The following WDR26 variants were observed in gnomAD, a reference collection of about 807,000 sequenced individuals.
The protein encoded by WDR26 is WD repeat-containing protein 26.
A neutral mutation model predicts 84.1 loss-of-function variants in WDR26; 5 were observed. The observed-to-expected ratio is 0.06, with a 90% CI of 0.03 to 0.13. The LOEUF (loss-of-function observed/expected upper bound fraction) is 0.13, where lower values mean the gene tolerates loss of function less well. WDR26 is among the 10% of genes least tolerant of loss of function. WDR26 has a pLI of 1.00. For synonymous variants in WDR26, 415 were observed against 389.6 expected (o/e 1.07, Z -0.77); for missense variants, 642 against 974.9 (o/e 0.66, Z 4.55).
At chr1:224,416,612 A>T (rs560721354) in intron 6 of WDR26, among the ~76,000 whole-genome samples, 2 of 152,358 alleles carry the variant, frequency 1.3e-5, no homozygotes, top group Non-Finnish European at 2.9e-5. Flanking sequence ...TTCATCACTT[A>T]GTTTCATAGG....
At chr1:224,395,646 C>T (rs561016820) in intron 12 of WDR26, among the ~76,000 whole-genome samples, 31 of 150,072 alleles carry the variant, frequency 2.1e-4, no homozygotes, top group Middle Eastern at 7.0e-3. Context: ...AGCTGTATTT[C>T]CTTCCTAAAC....
chr1:224,385,411 G>T lies in WDR26; in HGVS notation c.*4424C>A, dbSNP rs1672961049. On this transcript the variant is annotated 3_prime_UTR_variant, in exon 14 of 14. Transcript: ENST00000414423. ...AGACCTGAAGTTTTTATACTTTAAT[G>T]AATAAAGCAAAGAAATTTAAACTAA... is the stretch of plus-strand genomic sequence containing the variant. 1 of 152,270 alleles carries T rather than the reference G, an allele frequency of 6.6e-6. No homozygotes were observed. The highest frequency in any genetic ancestry group is 2.4e-5 in the African/African-American group (1 of 41,378). 9.4% of individuals were successfully genotyped at this position (152,270 alleles called of 1,614,324 possible).
At chr1:224,394,419 G>C (rs1403288683) in intron 12 of WDR26, among the ~76,000 whole-genome samples, 1 of 152,082 alleles carries the variant, frequency 6.6e-6, no homozygotes, top group African/African-American at 2.4e-5. Context: ...CCTTTATTGG[G>C]TGCTTACAAA....
rs1335487396 is a variant in WDR26 at position 224,407,151 on chromosome 1, A to AATATATATATATATATATATAT, written c.1459-2582_1459-2581insATATATATATATATATATATAT. Among the ~76,000 whole-genome samples the AATATATATATATATATATATAT allele has an allele frequency of 7.4e-3, 87 of 11,836 alleles. 1 individual carries two copies. The highest frequency in any genetic ancestry group is 9.8e-3 in the African/African-American group (25 of 2,556). The allele number at this position is 11,836 out of a possible 152,430, so 7.8% of individuals were successfully genotyped here. A position where few individuals can be genotyped will look rare whatever the true frequency, so the allele number is the denominator to read the frequency against. On this transcript the variant is annotated intron_variant, in intron 7 of 13. Transcript: ENST00000414423. ...AAAAAAAAAAAAAAAAAAAAAAAAA[A>AATATATATATATATATATATAT]ATATATATATATATATATATAACTC...
intron 1 of WDR26, among the ~76,000 whole-genome samples, chr1:224,432,113 ATAC>A (rs1435544799): frequency 6.6e-6 from 1 of 152,232 alleles, no homozygotes; most frequent in African/African-American, 2.4e-5. Context: ...CAGAATCAAC[ATAC>A]TACGTTACAT....
intron 7 of WDR26, among the ~76,000 whole-genome samples, chr1:224,407,319 A>G (rs1417623123): frequency 6.8e-6 from 1 of 147,202 alleles, no homozygotes; most frequent in African/African-American, 2.5e-5. Context: ...TGGAGCCTAT[A>G]TGACCTTGCT....
Position 224,400,529 on chromosome 1 carries a change from T to C in WDR26, c.1719+421A>G, listed in dbSNP as rs1175037141. Among the ~76,000 whole-genome samples the C allele has an allele frequency of 2.0e-5, 3 of 152,120 alleles. No homozygotes were observed. The East Asian group carries it at 5.8e-4, about 29-fold the overall frequency. On this transcript the variant is annotated intron_variant, in intron 9 of 13. Transcript: ENST00000414423. ...ACGACGACAGCAAAGTAGGTGTTCA[T>C]AGAGTATATTTTGTTTTATTTATGT... is the stretch of plus-strand genomic sequence containing the variant.
At chr1:224,407,159 TATATATATATATAA>T (rs1673601572) in intron 7 of WDR26, among the ~76,000 whole-genome samples, 1 of 69,422 alleles carries the variant, frequency 1.4e-5, no homozygotes, top group African/African-American at 5.2e-5. Context: ...AAAATATATA[TATATATATATATAA>T]CTCAAAAACT....
intron 6 of WDR26, among the ~76,000 whole-genome samples, chr1:224,415,622 G>A (rs767249361): frequency 6.6e-6 from 1 of 151,902 alleles, no homozygotes; most frequent in African/African-American, 2.4e-5. Context: ...CGCCATGCCC[G>A]GCTATTTTTT....
chr1:224,425,419 A>G (rs561343887), intron 3 of WDR26, among the ~76,000 whole-genome samples: 2 of 152,360 alleles, frequency 1.3e-5, no homozygotes, highest in South Asian at 4.1e-4. Context: ...TTAAAAGTGA[A>G]GCACAGGAAA....
At chr1:224,430,832 GATTC>G (rs1354145395) in intron 3 of WDR26, 5 of 152,272 alleles carry the variant, frequency 3.3e-5, no homozygotes, top group Admixed American at 3.3e-4. Context: ...AAGTCTAAAA[GATTC>G]ATTAAGAATT....
chr1:224,431,891 G>T, intron 1 of WDR26, 110 bp from the exon 2 acceptor site: 2 of 815,698 alleles, frequency 2.5e-6, no homozygotes, highest in Non-Finnish European at 3.5e-6. Flanking sequence ...CTAGCCTCAT[G>T]ATGAAGAAAA....
At position 224,393,732 on chromosome 1, in the gene WDR26, C is replaced by T; in HGVS notation, c.2260+96G>A. 2.8e-6 allele frequency: 3 copies of T among 1,077,256 alleles called. No individual in the cohort carries two copies. The East Asian group carries it at 7.4e-5, about 27-fold the overall frequency. 66.7% of individuals were successfully genotyped at this position (1,077,256 alleles called of 1,614,324 possible). ...TAAAAGAGAGAAATCATATACCACA[C>T]TTTAAATAAACTTGCTTAAAACTGC... On this transcript the variant is annotated intron_variant, in intron 13 of 13. Coordinates refer to ENST00000414423, the MANE Select transcript of WDR26 (RefSeq NM_001379403.1).
Position 224,411,442 on chromosome 1 carries a change from T to C in WDR26, c.1443A>G (p.Ile481Met), listed in dbSNP as rs1673734199. The C allele has an allele frequency of 1.9e-6, 3 of 1,610,480 alleles. No individual in the cohort carries two copies. Among genetic ancestry groups the C allele is most frequent in the African/African-American group, 2.7e-5 (2 of 74,846 alleles). ...GGGTACATACCGGATCAACTTGCCA[T>C]ATGATAACTGTTGTATCTTTTGATC... Residue 481 changes from isoleucine to methionine, a missense_variant, in exon 7 of 14, where the codon ATA becomes ATG. By Grantham distance (10) the Ile-to-Met change is conservative (BLOSUM62 1). This residue lies in a region of WDR26 where 351 missense variants were observed against 672.8 expected (regional missense o/e 0.52). Transcript: ENST00000414423.
At chr1:224,398,678 A>C in intron 10 of WDR26, 85 bp from the exon 11 acceptor site, 1 of 1,335,676 alleles carries the variant, frequency 7.5e-7, no homozygotes, top group Non-Finnish European at 1.0e-6. Flanking sequence ...TGCTAGCTTA[A>C]GTATGACAAT....
At chr1:224,402,529 C>T (rs1334602155) in intron 8 of WDR26, among the ~76,000 whole-genome samples, 1 of 151,852 alleles carries the variant, frequency 6.6e-6, no homozygotes, top group African/African-American at 2.4e-5. Flanking sequence ...ATTAGATCAC[C>T]CTTTTAGAAG....
chr1:224,399,113 C>T lies in WDR26; in HGVS notation c.1720-79G>A. ...AAATAAAGAACCAAAAGACTCCCTTCACAATATCTTTTAGTAACAGGTTTT... is the reference window on the plus strand; with the variant it reads ...AAATAAAGAACCAAAAGACTCCCTTTACAATATCTTTTAGTAACAGGTTTT... On this transcript the variant is annotated intron_variant, in intron 9 of 13. Coordinates refer to ENST00000414423, the MANE Select transcript of WDR26 (RefSeq NM_001379403.1). 4 of 1,315,602 alleles carry T rather than the reference C, an allele frequency of 3.0e-6. No homozygotes were observed. In the South Asian group the frequency reaches 5.7e-5, roughly 19 times the overall value. 81.5% of individuals were successfully genotyped at this position (1,315,602 alleles called of 1,614,324 possible).
intron 7 of WDR26, among the ~76,000 whole-genome samples, chr1:224,406,426 C>T (rs1212360863): frequency 6.6e-6 from 1 of 152,072 alleles, no homozygotes; most frequent in Non-Finnish European, 1.5e-5. Context: ...TGGGATGACC[C>T]ACCAGCAGTT....
chr1:224,433,621 TA>T, intron 1 of WDR26, 62 bp downstream of exon 1: 1 of 632,430 alleles, frequency 1.6e-6, no homozygotes, highest in Non-Finnish European at 2.0e-6. Context: ...CCCCTTCCCC[TA>T]CCCCCCTGGA....
Sources: gnomAD v4.1 joint callset for allele counts (sites outside exome capture counted in the v4.1 genomes callset) on GRCh38, gnomAD v4.1.1 for gene constraint, gnomAD v4.1.1 regional missense constraint, MANE v1.5 for transcripts, NCBI Gene and HGNC (gene_info 2026-07-23, HGNC 2026-07-21) for gene names.